The following SUGCT variants were observed in gnomAD, a reference collection of about 807,000 sequenced individuals.
SUGCT encodes the protein succinyl-CoA:glutarate-CoA transferase, also known as succinyl-CoA:glutarate CoA-transferase.
Under a neutral mutation model 55.0 loss-of-function variants are expected in SUGCT, and 41 were observed. The observed-to-expected ratio is 0.74, with a 90% CI of 0.58 to 0.97. The LOEUF (loss-of-function observed/expected upper bound fraction) is 0.97. SUGCT is among the 50% of genes least tolerant of loss of function. The pLI is 0.00. For missense variants in SUGCT, 568 were observed against 547.8 expected (o/e 1.04, Z -0.37); for synonymous variants, 187 against 200.4 (o/e 0.93, Z 0.56).
intron 13 of SUGCT, among the ~76,000 whole-genome samples, chr7:40,851,875 G>C (rs978893086): frequency 6.6e-6 from 1 of 152,018 alleles, no homozygotes; most frequent in African/African-American, 2.4e-5. Flanking sequence ...AATGTATTTT[G>C]GTAGAGACCT....
chr7:40,905,664 G>A, the SUGCT span, among the ~76,000 whole-genome samples: 1 of 150,730 alleles, frequency 6.6e-6, no homozygotes, highest in African/African-American at 2.4e-5. Context: ...AAAAAAAATT[G>A]TTGTGGTAGA....
At chr7:40,688,531 C>G (rs902888584) in intron 12 of SUGCT, among the ~76,000 whole-genome samples, 1 of 152,044 alleles carries the variant, frequency 6.6e-6, no homozygotes, top group Admixed American at 6.6e-5. Context: ...GATTTGTCAT[C>G]AGACCACTAA....
intron 9 of SUGCT, among the ~76,000 whole-genome samples, chr7:40,399,997 C>T (rs1442685650): frequency 6.6e-6 from 1 of 151,898 alleles, no homozygotes; most frequent in African/African-American, 2.4e-5. Flanking sequence ...TGCAGTGAGC[C>T]AAAATTGTGC....
chr7:40,198,381 C>T (rs1424649400), intron 6 of SUGCT, among the ~76,000 whole-genome samples: 2 of 152,136 alleles, frequency 1.3e-5, no homozygotes, highest in African/African-American at 4.8e-5. Flanking sequence ...CTGAACAGTG[C>T]TACTTGAGAA....
chr7:40,661,752 C>T (rs1015458478), intron 12 of SUGCT, among the ~76,000 whole-genome samples: 3 of 152,280 alleles, frequency 2.0e-5, no homozygotes, highest in South Asian at 2.1e-4. Context: ...TCTTCTGAAA[C>T]ATGGTCTTTT....
rs144030022 is a variant in SUGCT at position 40,285,885 on chromosome 7, A to G, written c.720+11229A>G. On this transcript the variant is annotated intron_variant, in intron 8 of 13. Coordinates refer to ENST00000335693, the MANE Select transcript of SUGCT (RefSeq NM_001193313.2). ...GTTGATTTCATTTTCTAGATGAATA[A>G]TAGTTAAAAGGTAGCTGCTTTAGTT... Among the ~76,000 whole-genome samples the G allele has an allele frequency of 4.5e-3, 690 of 152,312 alleles. 7 individuals carry two copies. Among genetic ancestry groups the G allele is most frequent in the Non-Finnish European group, 7.1e-3 (485 of 68,022 alleles).
chr7:40,660,967 T>C (rs561967173), intron 12 of SUGCT, among the ~76,000 whole-genome samples: 59 of 152,220 alleles, frequency 3.9e-4, no homozygotes, highest in Non-Finnish European at 6.9e-4. Context: ...CTGAGGCTGG[T>C]TAAAACCAAC....
chr7:40,958,516 C>A, the SUGCT span, among the ~76,000 whole-genome samples: 1 of 151,842 alleles, frequency 6.6e-6, no homozygotes, highest in Non-Finnish European at 1.5e-5. Context: ...TCCATCAGGT[C>A]ATTTATGTTC....
At chr7:40,684,165 C>T (rs1784370705) in intron 12 of SUGCT, 1 of 1,557,668 alleles carries the variant, frequency 6.4e-7, no homozygotes, top group Admixed American at 2.0e-5. Flanking sequence ...CTACATCTCA[C>T]TTCCTGCAGC....
intron 13 of SUGCT, among the ~76,000 whole-genome samples, chr7:40,814,147 A>T (rs1791554603): frequency 6.6e-6 from 1 of 151,796 alleles, no homozygotes; most frequent in African/African-American, 2.4e-5. Context: ...TTTAGTGTCG[A>T]CCTCGGATAG....
chr7:40,401,990 C>G (rs993394178), intron 9 of SUGCT, among the ~76,000 whole-genome samples: 6 of 152,048 alleles, frequency 3.9e-5, no homozygotes, highest in Admixed American at 3.3e-4. Context: ...TTTTTTTGCA[C>G]CAAACATTCC....
intron 1 of SUGCT, among the ~76,000 whole-genome samples, chr7:40,171,106 C>T (rs1243232581): frequency 6.6e-6 from 1 of 152,214 alleles, no homozygotes; most frequent in Non-Finnish European, 1.5e-5. Flanking sequence ...CCCACTAGGG[C>T]CTTTGTCCTT....
downstream of SUGCT, among the ~76,000 whole-genome samples, chr7:40,862,584 T>C (rs1174451793): frequency 2.6e-5 from 4 of 152,136 alleles, no homozygotes; most frequent in Non-Finnish European, 5.9e-5. Flanking sequence ...ACTACTAATA[T>C]ACCATATGCT....
intron 12 of SUGCT, among the ~76,000 whole-genome samples, chr7:40,522,951 A>T (rs1793620917): frequency 6.6e-6 from 1 of 152,122 alleles, no homozygotes; most frequent in South Asian, 2.1e-4. Flanking sequence ...CATTTTATGC[A>T]TAAAAGCTTT....
intron 9 of SUGCT, among the ~76,000 whole-genome samples, chr7:40,342,701 G>C (rs1424653077): frequency 1.3e-5 from 2 of 151,866 alleles, no homozygotes; most frequent in African/African-American, 4.8e-5. Context: ...GGAGTGCAGT[G>C]GCGTGATCTT....
intron 12 of SUGCT, among the ~76,000 whole-genome samples, chr7:40,678,977 G>A (rs1191587734): frequency 6.6e-6 from 1 of 152,154 alleles, no homozygotes; most frequent in Non-Finnish European, 1.5e-5. Flanking sequence ...GTTCCTTCTG[G>A]TTGACTTTGG....
intron 9 of SUGCT, among the ~76,000 whole-genome samples, chr7:40,386,116 A>G (rs1412598261): frequency 6.6e-6 from 1 of 152,182 alleles, no homozygotes; most frequent in Non-Finnish European, 1.5e-5. Flanking sequence ...TAGGACACAG[A>G]TGCAATCTGG....
In SUGCT at chr7:40,173,806, C is replaced by T. The variant is rs570932973; in HGVS notation, c.101-7141C>T. 2.0e-4 allele frequency among the ~76,000 whole-genome samples: 30 copies of T among 150,118 alleles called. No homozygotes were observed. The South Asian group carries it at 6.3e-3, about 31-fold the overall frequency. ...ATCTGTCAAAATTTATTTAATTGTA[C>T]AATTTATTGTATTTATAGAAATAAT... On this transcript the variant is annotated intron_variant, in intron 1 of 13. Coordinates refer to ENST00000335693, the MANE Select transcript of SUGCT (RefSeq NM_001193313.2).
At chr7:40,148,878 TTGAA>T (rs1341272746) in intron 1 of SUGCT, among the ~76,000 whole-genome samples, 1 of 152,208 alleles carries the variant, frequency 6.6e-6, no homozygotes, top group Non-Finnish European at 1.5e-5. Flanking sequence ...TCTTTAGAAT[TTGAA>T]TGAGTCTGAG....
Sources: allele counts gnomAD v4.1 joint callset (sites outside exome capture counted in the v4.1 genomes callset), GRCh38; gene constraint gnomAD v4.1.1; transcripts MANE v1.5; gene names NCBI Gene and HGNC (gene_info 2026-07-23, HGNC 2026-07-21).